STYX: variants seen among roughly 807,000 people sequenced by gnomAD.
STYX encodes serine/threonine/tyrosine-interacting protein.
Under a neutral mutation model 42.7 loss-of-function variants are expected in STYX, and 20 were observed. The ratio of observed to expected loss-of-function variants is 0.47; its 90% CI spans 0.33 to 0.68. STYX has a LOEUF of 0.68. Among genes scored for constraint, STYX ranks in the 30% least tolerant of loss-of-function variants. The pLI is 0.02. For missense variants in STYX, 226 were observed against 268.5 expected, an observed-to-expected ratio of 0.84 and a Z score of 1.11; for synonymous variants, 78 against 81.9, an observed-to-expected ratio of 0.95 and a Z score of 0.26.
rs111764673 is a variant in STYX, at chr14:52,732,186, C to T, written c.57+1655C>T. On this transcript the variant is annotated intron_variant, in intron 1 of 10. Transcript: ENST00000354586. Reference sequence around the variant, plus strand: ...TGTCTCAGCCCACCGCAGCCTCTGCCTCGGGTCCCGGTTCAAACAGTTCTC... The same window carrying T: ...TGTCTCAGCCCACCGCAGCCTCTGCTTCGGGTCCCGGTTCAAACAGTTCTC... 8.9e-3 allele frequency among the ~76,000 whole-genome samples: 1,342 copies of T among 150,416 alleles called. 13 individuals are homozygous for T. The highest frequency in any genetic ancestry group is 0.015 in the Non-Finnish European group (1,010 of 67,664).
At chr14:52,767,506 T>C (rs536489579) in intron 9 of STYX, among the ~76,000 whole-genome samples, 92 of 152,354 alleles carry the variant, frequency 6.0e-4, no homozygotes, top group African/African-American at 2.2e-3. Flanking sequence ...TGTTTTTTCT[T>C]GCAAAATCTT....
In STYX at chr14:52,755,825, G is replaced by A. The variant is rs1171565631; in HGVS notation, c.243-726G>A. ...GACTTCCTCTGAAATGTCCTCTGTA[G>A]GTTCATGAGCAGGAGTCACAGGACC... On this transcript the variant is annotated intron_variant, in intron 4 of 10. Coordinates refer to ENST00000354586, the MANE Select transcript of STYX (RefSeq NM_145251.4). 6.6e-5 allele frequency among the ~76,000 whole-genome samples: 10 copies of A among 151,848 alleles called. No individual in the cohort carries two copies. In the East Asian group the frequency reaches 1.7e-3, roughly 26 times the overall value.
chr14:52,730,518 A>G lies in STYX; in HGVS notation c.44A>G (p.Lys15Arg). The change falls in exon 1 of 11, where the codon AAG (lysine) becomes AGG (arginine). Residue 15 changes from lysine to arginine, a missense_variant. By Grantham distance (26) the Lys-to-Arg change is conservative. Coordinates refer to ENST00000354586, the MANE Select transcript of STYX (RefSeq NM_145251.4). The stretch of plus-strand genomic sequence containing the variant: ...GAGTTCCCTTCCCTTCCACAGTGCA[A>G]GGAAGACGCCGAGGTGAGTCGCTCC... ...KLEFPSLPQC[K>R]EDAEEWTYPM... The G allele has an allele frequency of 1.2e-6, 2 of 1,613,610 alleles. No individual in the cohort carries two copies. The highest frequency in any genetic ancestry group is 8.5e-7 in the Non-Finnish European group (1 of 1,179,844).
intron 3 of STYX, among the ~76,000 whole-genome samples, chr14:52,746,692 C>A (rs973672561): frequency 3.3e-5 from 5 of 152,018 alleles, no homozygotes; most frequent in African/African-American, 1.2e-4. Flanking sequence ...TTGTTTTTTC[C>A]TCATGAAATT....
chr14:52,748,555 T>C (rs1214731692), intron 3 of STYX, among the ~76,000 whole-genome samples: 1 of 152,214 alleles, frequency 6.6e-6, no homozygotes, highest in Non-Finnish European at 1.5e-5. Context: ...TCTACTGTTT[T>C]TAAATGTGAG....
At chr14:52,761,904 G>T (rs184546309) in intron 9 of STYX, among the ~76,000 whole-genome samples, 28 of 151,410 alleles carry the variant, frequency 1.8e-4, no homozygotes, top group African/African-American at 6.8e-4. Flanking sequence ...AATTAGCCAG[G>T]CGTGGTGGCA....
Position 52,730,192 on chromosome 14 carries a change from A to C in STYX, c.-283A>C. 2.0e-6 allele frequency: 1 copy of C among 496,764 alleles called. No homozygotes were observed. The highest frequency in any genetic ancestry group is 3.6e-6 in the Non-Finnish European group (1 of 278,290). 30.8% of individuals were successfully genotyped at this position (496,764 alleles called of 1,614,324 possible). ...GTTGTCGGGCTGGTTCCTGTGCTGG[A>C]TCCTGGGCGGCCTGAGGGGTACGGA... is the stretch of plus-strand genomic sequence containing the variant. On this transcript the variant is annotated 5_prime_UTR_variant, in exon 1 of 11. Transcript: ENST00000354586.
At chr14:52,736,512 C>T (rs891764113) in intron 1 of STYX, among the ~76,000 whole-genome samples, 13 of 152,186 alleles carry the variant, frequency 8.5e-5, no homozygotes, top group Admixed American at 7.2e-4. Context: ...ATCTTCTCTT[C>T]TGACAGAAAG....
chr14:52,751,319 T>G lies in STYX; in HGVS notation c.242+539T>G, dbSNP rs547456872. On this transcript the variant is annotated intron_variant, in intron 4 of 10. Coordinates refer to ENST00000354586, the MANE Select transcript of STYX (RefSeq NM_145251.4). ...ATCCATTGTATGGCTATACTAAAAT[T>G]TATTCAATTAGTCTGTTAGATATTT... is the stretch of plus-strand genomic sequence containing the variant. Among the ~76,000 whole-genome samples, 3 of 152,196 alleles carry G rather than the reference T, an allele frequency of 2.0e-5. No homozygotes were observed. In the South Asian group the frequency reaches 6.2e-4, roughly 31 times the overall value.
chr14:52,771,092 G>A lies in STYX; in HGVS notation c.658G>A (p.Ala220Thr). The A allele has an allele frequency of 2.5e-6, 4 of 1,609,706 alleles. No individual in the cohort carries two copies. The highest frequency in any genetic ancestry group is 3.4e-6 in the Non-Finnish European group (4 of 1,177,094). Reference protein sequence around the residue: ...DDFGTMQVATAQNG With the variant: ...DDFGTMQVATTQNG ...TTTTGGAACCATGCAAGTGGCGACT[G>A]CACAGAATGGCTGACTTGAAGAGCA... Residue 220 changes from alanine to threonine, a missense_variant, in exon 11 of 11, where the codon GCA (alanine) becomes ACA (threonine). Ala to Thr is a moderately conservative substitution (Grantham distance 58). Transcript: ENST00000354586.
At chr14:52,730,746 C>A (rs551290461) in intron 1 of STYX, among the ~76,000 whole-genome samples, 3 of 152,350 alleles carry the variant, frequency 2.0e-5, no homozygotes, top group South Asian at 2.1e-4. Context: ...GGTGTACTTA[C>A]ATTTGAGAAG....
Position 52,773,309 on chromosome 14 carries a change from C to G in STYX, c.*2203C>G, listed in dbSNP as rs535343384. On this transcript the variant is annotated 3_prime_UTR_variant, in exon 11 of 11. Coordinates refer to ENST00000354586, the MANE Select transcript of STYX (RefSeq NM_145251.4). ...AGGGACTGTCATCATCTTGAGTACT[C>G]TGTGTGTATATATATATATATAGAT... 2.3e-5 allele frequency: 3 copies of G among 131,570 alleles called. No homozygotes were observed. In the East Asian group the frequency reaches 6.6e-4, roughly 29 times the overall value. The allele number at this position is 131,570 out of a possible 1,614,324, so 8.2% of individuals were successfully genotyped here. A position where few individuals can be genotyped will look rare whatever the true frequency, so the allele number is the denominator to read the frequency against.
At chr14:52,735,487 A>G (rs1880913318) in intron 1 of STYX, among the ~76,000 whole-genome samples, 1 of 152,196 alleles carries the variant, frequency 6.6e-6, no homozygotes, top group South Asian at 2.1e-4. Context: ...TTCCACAGGT[A>G]GAGGGTACTT....
intron 1 of STYX, among the ~76,000 whole-genome samples, chr14:52,732,404 C>T (rs1880767568): frequency 1.3e-5 from 2 of 151,660 alleles, no homozygotes; most frequent in African/African-American, 2.4e-5. Context: ...TCCCGAGTAG[C>T]TGGGACTGCA....
intron 8 of STYX, among the ~76,000 whole-genome samples, chr14:52,758,653 G>C (rs2139921072): frequency 6.6e-6 from 1 of 152,274 alleles, no homozygotes; most frequent in East Asian, 1.9e-4. Context: ...TCAGCTCACT[G>C]CAACCCCCGC....
chr14:52,766,645 T>G (rs1330327961), intron 9 of STYX, among the ~76,000 whole-genome samples: 1 of 152,220 alleles, frequency 6.6e-6, no homozygotes, highest in Non-Finnish European at 1.5e-5. Context: ...TCAGTTTTTT[T>G]CTGAGTCACA....
intron 1 of STYX, among the ~76,000 whole-genome samples, chr14:52,742,735 G>A (rs1341582943): frequency 6.6e-6 from 1 of 151,592 alleles, no homozygotes; most frequent in Non-Finnish European, 1.5e-5. Flanking sequence ...AAACACAGGG[G>A]ACTTCCTTAT....
In STYX at chr14:52,770,333, T is replaced by C. The variant is rs372146729; in HGVS notation, c.599-700T>C. ...CATGATATAACAGTCCTGTAGGGCATAAGTTTAAGGTCATGCCATTGTTAG... is the reference window on the plus strand; with the variant it reads ...CATGATATAACAGTCCTGTAGGGCACAAGTTTAAGGTCATGCCATTGTTAG... On this transcript the variant is annotated intron_variant, in intron 10 of 10. Transcript: ENST00000354586. Among the ~76,000 whole-genome samples the C allele has an allele frequency of 6.9e-4, 105 of 152,242 alleles. 1 individual carries two copies. In the South Asian group the frequency reaches 0.011, roughly 16 times the overall value.
chr14:52,747,354 A>T (rs1881433254), intron 3 of STYX, among the ~76,000 whole-genome samples: 1 of 152,212 alleles, frequency 6.6e-6, no homozygotes, highest in Admixed American at 6.5e-5. Context: ...TGTGTTTGAT[A>T]TATCCATAAT....
Sources: gnomAD v4.1 joint callset for allele counts (sites outside exome capture counted in the v4.1 genomes callset) on GRCh38, gnomAD v4.1.1 for gene constraint, MANE v1.5 for transcripts, NCBI Gene and HGNC (gene_info 2026-07-23, HGNC 2026-07-21) for gene names.